Variants in FBXW4 observed in about 807,000 individuals in gnomAD.
FBXW4 encodes the protein F-box and WD repeat domain containing 4.
A neutral mutation model predicts 61.8 loss-of-function variants in FBXW4; 40 were observed. That is an observed-to-expected ratio of 0.65 (90% CI 0.50 to 0.84). The LOEUF (loss-of-function observed/expected upper bound fraction) is 0.84, where lower values mean the gene tolerates loss of function less well. Ranked by LOEUF, FBXW4 falls within the 40% of genes least tolerant of loss-of-function variation. The probability of loss-of-function intolerance (pLI) is 0.00; values close to 1 mark genes in which losing one functional copy is unlikely to be tolerated. For synonymous variants in FBXW4, 311 were observed against 313.8 expected (o/e 0.99, Z 0.10); for missense variants, 672 against 753.8 (o/e 0.89, Z 1.27).
intron 6 of FBXW4, among the ~76,000 whole-genome samples, chr10:101,615,586 G>A (rs970063556): frequency 1.3e-5 from 2 of 151,922 alleles, no homozygotes; most frequent in African/African-American, 2.4e-5. Flanking sequence ...AGCAGAGTGC[G>A]GCCACACCCC....
At chr10:101,629,264 A>G (rs1416079248) in intron 5 of FBXW4, among the ~76,000 whole-genome samples, 1 of 151,998 alleles carries the variant, frequency 6.6e-6, no homozygotes, top group Non-Finnish European at 1.5e-5. Flanking sequence ...TAATCCTCAT[A>G]ACACTATGCA....
chr10:101,669,206 T>C (rs2064335383), intron 4 of FBXW4, among the ~76,000 whole-genome samples: 1 of 152,094 alleles, frequency 6.6e-6, no homozygotes, highest in Non-Finnish European at 1.5e-5. Flanking sequence ...GGATCCTAAA[T>C]GAGGAGGGGC....
At chr10:101,666,896 C>CA (rs1017063980) in intron 5 of FBXW4, among the ~76,000 whole-genome samples, 2 of 149,088 alleles carry the variant, frequency 1.3e-5, no homozygotes, top group East Asian at 3.9e-4. Context: ...ATTTCTAAAA[C>CA]AAAAAAACAA....
At chr10:101,679,402 ATT>A (rs1470259055) in intron 1 of FBXW4, among the ~76,000 whole-genome samples, 1 of 152,244 alleles carries the variant, frequency 6.6e-6, no homozygotes, top group African/African-American at 2.4e-5. Context: ...TAGAAAGTAT[ATT>A]CTTTTCAATT....
At chr10:101,664,219 G>T (rs1230374468) in intron 5 of FBXW4, among the ~76,000 whole-genome samples, 1 of 152,198 alleles carries the variant, frequency 6.6e-6, no homozygotes, top group Non-Finnish European at 1.5e-5. Context: ...TCATACAAGT[G>T]CCTGAGTACA....
chr10:101,661,608 G>A (rs772072053), intron 5 of FBXW4, among the ~76,000 whole-genome samples: 1 of 151,832 alleles, frequency 6.6e-6, no homozygotes, highest in South Asian at 2.1e-4. Context: ...GTGTCATGAC[G>A]CCCCTTCTAG....
At chr10:101,672,712 A>C (rs541171919) in intron 4 of FBXW4, among the ~76,000 whole-genome samples, 25 of 151,926 alleles carry the variant, frequency 1.6e-4, no homozygotes, top group African/African-American at 6.0e-4. Flanking sequence ...GCCACTGTCC[A>C]CTCCTTTCCC....
chr10:101,669,512 T>C (rs2064337981), intron 4 of FBXW4, among the ~76,000 whole-genome samples: 1 of 152,216 alleles, frequency 6.6e-6, no homozygotes, highest in Non-Finnish European at 1.5e-5. Flanking sequence ...TCCTAGATTC[T>C]GCAAACCACA....
At chr10:101,660,768 C>A (rs1344889681) in intron 5 of FBXW4, among the ~76,000 whole-genome samples, 1 of 152,112 alleles carries the variant, frequency 6.6e-6, no homozygotes, top group Non-Finnish European at 1.5e-5. Flanking sequence ...GGGACTGGAG[C>A]CAGGAGGTGT....
At chr10:101,638,306 T>C (rs2064021755) in intron 5 of FBXW4, among the ~76,000 whole-genome samples, 2 of 152,092 alleles carry the variant, frequency 1.3e-5, no homozygotes, top group African/African-American at 4.8e-5. Flanking sequence ...TGCTCTGACA[T>C]GAAAGGACCT....
At chr10:101,659,532 TGAGA>T in intron 5 of FBXW4, 1 of 508,410 alleles carries the variant, frequency 2.0e-6, no homozygotes, top group Non-Finnish European at 2.5e-6. Context: ...TATGAAGCAA[TGAGA>T]TGCTTCATGT....
At chr10:101,668,484 G>A (rs1365687343) in intron 4 of FBXW4, among the ~76,000 whole-genome samples, 2 of 152,204 alleles carry the variant, frequency 1.3e-5, no homozygotes, top group African/African-American at 4.8e-5. Context: ...GGAAGAAGAA[G>A]AGAGACTTCC....
At chr10:101,646,633 C>T (rs904769993) in intron 5 of FBXW4, among the ~76,000 whole-genome samples, 1 of 152,220 alleles carries the variant, frequency 6.6e-6, no homozygotes, top group South Asian at 2.1e-4. Context: ...CAGCGGCCAG[C>T]CCTTTTGGCA....
chr10:101,612,966 G>T (rs2063800325), intron 6 of FBXW4: 1 of 152,806 alleles, frequency 6.5e-6, no homozygotes, highest in African/African-American at 2.4e-5. Context: ...CACAAAGGGA[G>T]AAGGGGAGTC....
intron 5 of FBXW4, among the ~76,000 whole-genome samples, chr10:101,667,454 G>C (rs1164410005): frequency 6.6e-6 from 1 of 152,084 alleles, no homozygotes; most frequent in East Asian, 1.9e-4. Context: ...GACTGTAAGG[G>C]ATACTCCAGA....
intron 6 of FBXW4, among the ~76,000 whole-genome samples, chr10:101,623,767 C>T (rs1053228215): frequency 1.3e-5 from 2 of 152,196 alleles, no homozygotes; most frequent in Non-Finnish European, 2.9e-5. Flanking sequence ...ACTATTGATA[C>T]ATGCAGCAAC....
At position 101,611,651 on chromosome 10, in the gene FBXW4, G is replaced by A. The variant is rs1403255068; in HGVS notation, c.1561C>T (p.Arg521Trp). Residue 521 changes from arginine to tryptophan, a missense_variant, in exon 8 of 9, where the codon CGG becomes TGG. Transcript: ENST00000331272. The surrounding 1 kb of genome is among the most constrained non-coding windows in gnomAD (Gnocchi z 4.9). ...SYYGVVRLWD[R>W]RQRACLHAFP... Reference sequence around the variant, plus strand: ...ACGTGCAGGCAGGCCCTTTGACGCCGGTCCCACAGCCGTACAACACCGTAG... The same window carrying A: ...ACGTGCAGGCAGGCCCTTTGACGCCAGTCCCACAGCCGTACAACACCGTAG... 11 of 1,614,048 alleles carry A rather than the reference G, an allele frequency of 6.8e-6. No homozygotes were observed. The highest frequency in any genetic ancestry group is 2.2e-5 in the East Asian group (1 of 44,896).
intron 1 of FBXW4, among the ~76,000 whole-genome samples, chr10:101,679,935 C>T (rs34174886): frequency 2.7e-4 from 41 of 152,208 alleles, no homozygotes; most frequent in African/African-American, 8.9e-4. Context: ...CCACTCTGTA[C>T]GCCTGTGTGT....
chr10:101,617,925 C>T (rs902609840), intron 6 of FBXW4, among the ~76,000 whole-genome samples: 2 of 152,244 alleles, frequency 1.3e-5, no homozygotes, highest in Non-Finnish European at 2.9e-5. Flanking sequence ...ATCAGTAATG[C>T]TTTCAAAGGA....
Sources: gnomAD v4.1 joint callset for allele counts (sites outside exome capture counted in the v4.1 genomes callset) on GRCh38, gnomAD v4.1.1 for gene constraint, Gnocchi (gnomAD v3.1) non-coding constraint, MANE v1.5 for transcripts, NCBI Gene and HGNC (gene_info 2026-07-23, HGNC 2026-07-21) for gene names.